Variants in ERC2 observed in about 807,000 individuals in gnomAD.
ERC2 encodes the protein ELKS/RAB6-interacting/CAST family member 2, also known as ERC protein 2.
In ERC2, 42 loss-of-function variants were observed where a neutral mutation model predicts 114.8. That is an observed-to-expected ratio of 0.37 (90% CI 0.29 to 0.47). The LOEUF (loss-of-function observed/expected upper bound fraction) is 0.47. Ranked by LOEUF, ERC2 falls within the 20% of genes least tolerant of loss-of-function variation. The probability of loss-of-function intolerance (pLI) is 0.99; values close to 1 mark genes in which losing one functional copy is unlikely to be tolerated. For synonymous variants in ERC2, 454 were observed against 425.5 expected (o/e 1.07, Z -0.82); for missense variants, 939 against 1,150.7 (o/e 0.82, Z 2.66).
At chr3:56,074,848 C>A (rs1368936193) in intron 7 of ERC2, among the ~76,000 whole-genome samples, 1 of 152,158 alleles carries the variant, frequency 6.6e-6, no homozygotes, top group East Asian at 1.9e-4. Flanking sequence ...TCAGAGCTAA[C>A]AATATTCTTG....
chr3:56,438,593 C>G (rs1356167876), intron 1 of ERC2, among the ~76,000 whole-genome samples: 2 of 152,108 alleles, frequency 1.3e-5, no homozygotes, highest in Non-Finnish European at 2.9e-5. Context: ...TCTATGGTTC[C>G]AACAGTTAAA....
intron 14 of ERC2, among the ~76,000 whole-genome samples, chr3:55,829,846 C>A (rs778639429): frequency 1.1e-4 from 17 of 151,996 alleles, no homozygotes. Flanking sequence ...ACATTTGTGT[C>A]ATTGGAATCA....
intron 3 of ERC2, among the ~76,000 whole-genome samples, chr3:56,231,043 C>T (rs1009656951): frequency 6.6e-6 from 1 of 152,178 alleles, no homozygotes; most frequent in African/African-American, 2.4e-5. Flanking sequence ...TATTATTACT[C>T]CCATTTTACA....
intron 2 of ERC2, among the ~76,000 whole-genome samples, chr3:56,321,188 T>C (rs2057112552): frequency 6.6e-6 from 1 of 152,180 alleles, no homozygotes; most frequent in African/African-American, 2.4e-5. Flanking sequence ...ATGTTCCAAG[T>C]TCCTCATATT....
intron 17 of ERC2, among the ~76,000 whole-genome samples, chr3:55,524,732 C>T (rs1306623574): frequency 1.3e-5 from 2 of 151,976 alleles, no homozygotes; most frequent in Non-Finnish European, 2.9e-5. Context: ...CGGGTGCCAA[C>T]AAAATGATAT....
At position 55,904,770 on chromosome 3, in the gene ERC2, G is replaced by A. The variant is rs73075353; in HGVS notation, c.2404-16221C>T. On this transcript the variant is annotated intron_variant, in intron 13 of 17. Transcript: ENST00000288221. ...GAACTCCTCAACACCCTAGACCACCGAGGTGTGGACAGAGCCAGCTGGCCT... is the reference window on the plus strand; with the variant it reads ...GAACTCCTCAACACCCTAGACCACCAAGGTGTGGACAGAGCCAGCTGGCCT... Among the ~76,000 whole-genome samples the A allele has an allele frequency of 6.9e-3, 1,049 of 152,316 alleles. 5 individuals carry two copies. Among genetic ancestry groups the A allele is most frequent in the Non-Finnish European group, 0.012 (802 of 68,008 alleles).
intron 3 of ERC2, among the ~76,000 whole-genome samples, chr3:56,285,594 G>T (rs1288775002): frequency 6.6e-6 from 1 of 152,140 alleles, no homozygotes; most frequent in African/African-American, 2.4e-5. Context: ...AGATCTGATT[G>T]CCCTGGGGGC....
chr3:55,615,683 C>T (rs2059094294), intron 17 of ERC2, among the ~76,000 whole-genome samples: 1 of 152,050 alleles, frequency 6.6e-6, no homozygotes, highest in Non-Finnish European at 1.5e-5. Context: ...GGTATTTTAC[C>T]CAATATTACA....
intron 14 of ERC2, among the ~76,000 whole-genome samples, chr3:55,880,438 C>T (rs1163942646): frequency 1.3e-5 from 2 of 152,232 alleles, no homozygotes; most frequent in East Asian, 3.9e-4. Context: ...CCATCAACTT[C>T]AGAGTTAAAA....
intron 17 of ERC2, among the ~76,000 whole-genome samples, chr3:55,558,218 C>G (rs1001739091): frequency 8.5e-5 from 13 of 152,236 alleles, no homozygotes; most frequent in African/African-American, 3.1e-4. Flanking sequence ...GACTAAATGC[C>G]CTACTATTAA....
intron 6 of ERC2, among the ~76,000 whole-genome samples, chr3:56,131,853 A>G (rs1027044106): frequency 6.6e-6 from 1 of 152,232 alleles, no homozygotes; most frequent in South Asian, 2.1e-4. Context: ...GGTTCCCAAC[A>G]CAAAAAAATG....
chr3:56,400,446 T>C (rs1476076852), intron 2 of ERC2, among the ~76,000 whole-genome samples: 1 of 152,214 alleles, frequency 6.6e-6, no homozygotes, highest in African/African-American at 2.4e-5. Flanking sequence ...TATAAATATC[T>C]GAAATATAGT....
chr3:55,581,323 T>C (rs2057250566), intron 17 of ERC2, among the ~76,000 whole-genome samples: 1 of 152,200 alleles, frequency 6.6e-6, no homozygotes, highest in South Asian at 2.1e-4. Flanking sequence ...CCATTTAGCC[T>C]GGCCCATGGG....
intron 14 of ERC2, among the ~76,000 whole-genome samples, chr3:55,786,503 T>C (rs2149065211): frequency 6.6e-6 from 1 of 152,340 alleles, no homozygotes. Context: ...TTATATATAA[T>C]TGTATCTACA....
chr3:55,948,866 C>T (rs1458438599), intron 13 of ERC2, among the ~76,000 whole-genome samples: 1 of 152,154 alleles, frequency 6.6e-6, no homozygotes, highest in Non-Finnish European at 1.5e-5. Context: ...TTTAATGTTT[C>T]ATTTGCCTTT....
At chr3:55,633,752 A>C (rs993602703) in intron 17 of ERC2, among the ~76,000 whole-genome samples, 1 of 152,200 alleles carries the variant, frequency 6.6e-6, no homozygotes, top group East Asian at 1.9e-4. Flanking sequence ...GAGTCCAGGA[A>C]GAGTGAATAT....
chr3:55,820,773 G>A lies in ERC2; in HGVS notation c.2564+67616C>T, dbSNP rs538428251. 4.6e-5 allele frequency among the ~76,000 whole-genome samples: 7 copies of A among 152,296 alleles called. No homozygotes were observed. The South Asian group carries it at 1.5e-3, about 32-fold the overall frequency. On this transcript the variant is annotated intron_variant, in intron 14 of 17. Coordinates refer to ENST00000288221, the MANE Select transcript of ERC2 (RefSeq NM_015576.3). ...AGATGGAATCAGGGAGTTGAGGCTTGCTCTGCAGGATGCATCTATACAAAA... is the reference window on the plus strand; with the variant it reads ...AGATGGAATCAGGGAGTTGAGGCTTACTCTGCAGGATGCATCTATACAAAA...
At chr3:56,461,669 A>C (rs2063324765) in intron 1 of ERC2, among the ~76,000 whole-genome samples, 1 of 152,236 alleles carries the variant, frequency 6.6e-6, no homozygotes, top group East Asian at 1.9e-4. Flanking sequence ...ACATCTGAAC[A>C]GCTATAAGAT....
chr3:56,236,875 C>G (rs1270089680), intron 3 of ERC2, among the ~76,000 whole-genome samples: 1 of 152,140 alleles, frequency 6.6e-6, no homozygotes, highest in South Asian at 2.1e-4. Flanking sequence ...TTCCTCCAAT[C>G]GATGCAAAAA....
Sources: gnomAD v4.1 joint callset for allele counts (sites outside exome capture counted in the v4.1 genomes callset) on GRCh38, gnomAD v4.1.1 for gene constraint, MANE v1.5 for transcripts, NCBI Gene and HGNC (gene_info 2026-07-23, HGNC 2026-07-21) for gene names.